The following MKLN1 variants were observed in gnomAD, a reference collection of about 807,000 sequenced individuals.
MKLN1 encodes muskelin.
In MKLN1, 18 loss-of-function variants were observed where a neutral mutation model predicts 99.0. The observed-to-expected ratio is 0.18, with a 90% CI of 0.13 to 0.27. The LOEUF is 0.27. Ranked by LOEUF, MKLN1 falls within the 10% of genes least tolerant of loss-of-function variation. The pLI, the probability that MKLN1 is intolerant of heterozygous loss-of-function variation, is 1.00. For synonymous variants in MKLN1, 288 were observed against 293.2 expected, an observed-to-expected ratio of 0.98 and a Z score of 0.18; for missense variants, 621 against 875.9, an observed-to-expected ratio of 0.71 and a Z score of 3.67.
chr7:131,192,067 T>A (rs535225466), intron 2 of MKLN1, among the ~76,000 whole-genome samples: 30 of 106,828 alleles, frequency 2.8e-4, no homozygotes, highest in South Asian at 1.3e-3. Flanking sequence ...TATATATATA[T>A]TATATATATA....
At chr7:131,483,256 A>G (rs1354937085) in intron 17 of MKLN1, among the ~76,000 whole-genome samples, 1 of 152,184 alleles carries the variant, frequency 6.6e-6, no homozygotes, top group Non-Finnish European at 1.5e-5. Flanking sequence ...TATTTTTAGA[A>G]AAAAACATTG....
At chr7:131,426,682 A>T (rs1215170687) in intron 8 of MKLN1, among the ~76,000 whole-genome samples, 1 of 152,012 alleles carries the variant, frequency 6.6e-6, no homozygotes, top group Non-Finnish European at 1.5e-5. Context: ...GTAACTACAG[A>T]GTGTTTTTCA....
At chr7:131,396,589 C>T (rs1794367969) in intron 4 of MKLN1, among the ~76,000 whole-genome samples, 1 of 151,908 alleles carries the variant, frequency 6.6e-6, no homozygotes. Flanking sequence ...TTAAAAAAAT[C>T]TAAGGAAATT....
intron 3 of MKLN1, among the ~76,000 whole-genome samples, chr7:131,237,802 G>A (rs937183685): frequency 1.3e-5 from 2 of 152,148 alleles, no homozygotes; most frequent in Non-Finnish European, 2.9e-5. Context: ...TGACTATTCA[G>A]CCTGGAGACC....
chr7:131,264,695 T>A (rs547122289), intron 3 of MKLN1, among the ~76,000 whole-genome samples: 1 of 152,342 alleles, frequency 6.6e-6, no homozygotes, highest in African/African-American at 2.4e-5. Flanking sequence ...TGTTTGTTTT[T>A]TGTTTTTGCA....
chr7:131,374,559 A>G (rs191399505), intron 1 of MKLN1, among the ~76,000 whole-genome samples: 1 of 152,260 alleles, frequency 6.6e-6, no homozygotes, highest in Non-Finnish European at 1.5e-5. Flanking sequence ...GTTCAACCCC[A>G]GTATGTATGT....
At chr7:131,204,640 G>T (rs1314138189) in intron 3 of MKLN1, among the ~76,000 whole-genome samples, 1 of 151,598 alleles carries the variant, frequency 6.6e-6, no homozygotes, top group Non-Finnish European at 1.5e-5. Flanking sequence ...GACCAGCCTG[G>T]CCAACATGGT....
chr7:131,266,082 G>A (rs369958891), intron 3 of MKLN1, among the ~76,000 whole-genome samples: 295 of 150,100 alleles, frequency 2.0e-3, no homozygotes, highest in Non-Finnish European at 3.3e-3. Context: ...GCTGAGGCAC[G>A]AGAATCGCTT....
intron 3 of MKLN1, among the ~76,000 whole-genome samples, chr7:131,300,695 AAAAAACAACC>A (rs1042594158): frequency 2.3e-5 from 3 of 130,774 alleles, no homozygotes; most frequent in African/African-American, 7.7e-5. Flanking sequence ...CTCAAAAAAA[AAAAAACAACC>A]AAAAAGAAAA....
intron 1 of MKLN1, among the ~76,000 whole-genome samples, chr7:131,355,046 C>A (rs1475819045): frequency 1.3e-5 from 2 of 152,092 alleles, no homozygotes; most frequent in African/African-American, 4.8e-5. Context: ...TCCCAAAGTG[C>A]TGGGATTACA....
At chr7:131,319,417 T>A (rs1798730330) in intron 3 of MKLN1, among the ~76,000 whole-genome samples, 1 of 152,174 alleles carries the variant, frequency 6.6e-6, no homozygotes, top group Admixed American at 6.6e-5. Context: ...AAACTCTCAA[T>A]AAACTAGGTA....
At chr7:131,123,437 A>G (rs1237519950) in intron 1 of MKLN1, among the ~76,000 whole-genome samples, 1 of 152,212 alleles carries the variant, frequency 6.6e-6, no homozygotes, top group Admixed American at 6.5e-5. Flanking sequence ...TATGTGTCAT[A>G]AAATATCATT....
intron 2 of MKLN1, among the ~76,000 whole-genome samples, chr7:131,168,743 C>T (rs2116329126): frequency 6.6e-6 from 1 of 152,012 alleles, no homozygotes; most frequent in East Asian, 1.9e-4. Context: ...TCATTTTACC[C>T]TTGCAAGCCA....
At chr7:131,208,378 G>C (rs1020703755) in intron 3 of MKLN1, among the ~76,000 whole-genome samples, 1 of 152,142 alleles carries the variant, frequency 6.6e-6, no homozygotes, top group Non-Finnish European at 1.5e-5. Context: ...CAGATCGTTT[G>C]AGCCCAGGAG....
chr7:131,175,251 G>GATAGATAGATAGATAGATA (rs71168380), intron 2 of MKLN1, among the ~76,000 whole-genome samples: 70,545 of 150,050 alleles, frequency 0.47, 17,441 homozygotes, highest in East Asian at 0.8. Context: ...TGGATGGATA[G>GATAGATAGATAGATAGATA]ATAGATAGAT....
chr7:131,324,075 C>T (rs1043746388), upstream of MKLN1, among the ~76,000 whole-genome samples: 11 of 152,134 alleles, frequency 7.2e-5, no homozygotes, highest in Non-Finnish European at 2.9e-5. Context: ...TGACCCAAAC[C>T]CCTGGTTCTG....
At chr7:131,367,565 A>G (rs1044475618) in intron 1 of MKLN1, among the ~76,000 whole-genome samples, 1 of 152,062 alleles carries the variant, frequency 6.6e-6, no homozygotes, top group East Asian at 1.9e-4. Context: ...GCCAGTTTCT[A>G]TTCTTTCTTA....
intron 2 of MKLN1, among the ~76,000 whole-genome samples, chr7:131,379,521 A>G (rs1170798213): frequency 6.6e-6 from 1 of 152,178 alleles, no homozygotes; most frequent in African/African-American, 2.4e-5. Context: ...TTTTGACAAG[A>G]TTTTCCACTA....
At chr7:131,260,108 C>T (rs1304782193) in intron 3 of MKLN1, among the ~76,000 whole-genome samples, 3 of 151,418 alleles carry the variant, frequency 2.0e-5, no homozygotes, top group Non-Finnish European at 1.5e-5. Flanking sequence ...TACAGTGGCA[C>T]GATCTCAGCT....
Sources: gnomAD v4.1 joint callset for allele counts (sites outside exome capture counted in the v4.1 genomes callset) on GRCh38, gnomAD v4.1.1 for gene constraint, MANE v1.5 for transcripts, NCBI Gene and HGNC (gene_info 2026-07-23, HGNC 2026-07-21) for gene names.